DPYD: variants seen among roughly 807,000 people sequenced by gnomAD.
DPYD encodes the protein dihydropyrimidine dehydrogenase.
In DPYD, 109 loss-of-function variants were observed where a neutral mutation model predicts 116.2. The ratio of observed to expected loss-of-function variants is 0.94; its 90% confidence interval spans 0.80 to 1.10. DPYD has a LOEUF of 1.10. Among genes scored for constraint, DPYD ranks in the 50% least tolerant of loss-of-function variants. The pLI is 0.00. For missense variants in DPYD, 1,302 were observed against 1,254.5 expected (o/e 1.04, Z -0.57); for synonymous variants, 440 against 432.0 (o/e 1.02, Z -0.23).
intron 1 of DPYD, among the ~76,000 whole-genome samples, chr1:97,896,843 A>C (rs1673095973): frequency 6.6e-6 from 1 of 151,860 alleles, no homozygotes; most frequent in African/African-American, 2.4e-5. Context: ...CACTTAGCAT[A>C]ATGTCTTCAA....
intron 2 of DPYD, among the ~76,000 whole-genome samples, chr1:97,861,732 T>C (rs755285582): frequency 1.6e-4 from 25 of 151,994 alleles, no homozygotes; most frequent in Non-Finnish European, 3.1e-4. Flanking sequence ...TATTGAGATA[T>C]AATTTTACAC....
At chr1:97,568,431 A>G (rs115272223) in intron 11 of DPYD, among the ~76,000 whole-genome samples, 2,001 of 152,198 alleles carry the variant, frequency 0.013, 24 homozygotes, top group Middle Eastern at 0.024. Context: ...ACTCTAGGAT[A>G]TTCATACTAT....
At chr1:97,729,778 A>G (rs1663484093) in intron 4 of DPYD, among the ~76,000 whole-genome samples, 1 of 152,118 alleles carries the variant, frequency 6.6e-6, no homozygotes, top group Non-Finnish European at 1.5e-5. Flanking sequence ...AGAACTTACA[A>G]TCTTCCCCAT....
At chr1:97,424,254 T>C (rs1359762354) in intron 14 of DPYD, among the ~76,000 whole-genome samples, 1 of 152,062 alleles carries the variant, frequency 6.6e-6, no homozygotes, top group Non-Finnish European at 1.5e-5. Context: ...GTAATGGGTG[T>C]TTCGTGGTTA....
At chr1:97,540,080 G>A (rs1428901833) in intron 12 of DPYD, among the ~76,000 whole-genome samples, 1 of 152,080 alleles carries the variant, frequency 6.6e-6, no homozygotes, top group Non-Finnish European at 1.5e-5. Context: ...AATCAATTCT[G>A]TAGTGGACAC....
intron 13 of DPYD, among the ~76,000 whole-genome samples, chr1:97,482,488 T>C (rs1213255403): frequency 6.6e-6 from 1 of 152,204 alleles, no homozygotes; most frequent in Non-Finnish European, 1.5e-5. Context: ...ACAGAAAATG[T>C]ATACTTAAAT....
chr1:97,511,066 G>T (rs1351957910), intron 13 of DPYD, among the ~76,000 whole-genome samples: 1 of 151,872 alleles, frequency 6.6e-6, no homozygotes, highest in Non-Finnish European at 1.5e-5. Context: ...AACTGTAAAT[G>T]CATGATTGAG....
At chr1:97,534,586 C>T (rs1037998513) in intron 12 of DPYD, among the ~76,000 whole-genome samples, 1 of 151,876 alleles carries the variant, frequency 6.6e-6, no homozygotes, top group Admixed American at 6.6e-5. Flanking sequence ...GGATGTTATT[C>T]TTTTCTTTAT....
chr1:97,143,282 T>A (rs1654363568), intron 20 of DPYD, among the ~76,000 whole-genome samples: 1 of 152,158 alleles, frequency 6.6e-6, no homozygotes, highest in African/African-American at 2.4e-5. Flanking sequence ...AATGGCTATA[T>A]TGGAATCCTG....
At chr1:97,630,726 G>A (rs908377362) in intron 8 of DPYD, among the ~76,000 whole-genome samples, 1 of 152,142 alleles carries the variant, frequency 6.6e-6, no homozygotes, top group African/African-American at 2.4e-5. Flanking sequence ...CAGTAAGAAA[G>A]TATGGTTTTG....
chr1:97,674,685 T>C (rs530097526), intron 8 of DPYD, among the ~76,000 whole-genome samples: 1 of 151,726 alleles, frequency 6.6e-6, no homozygotes, highest in Non-Finnish European at 1.5e-5. Flanking sequence ...ACTATACCCA[T>C]GTCCAGCCCG....
chr1:97,760,681 C>T (rs1467586455), intron 3 of DPYD, among the ~76,000 whole-genome samples: 1 of 151,956 alleles, frequency 6.6e-6, no homozygotes, highest in Non-Finnish European at 1.5e-5. Flanking sequence ...GTACAGAGGG[C>T]ACCTAAAGAA....
chr1:97,471,426 T>G (rs968763409), intron 13 of DPYD, among the ~76,000 whole-genome samples: 3 of 152,078 alleles, frequency 2.0e-5, no homozygotes, highest in African/African-American at 7.2e-5. Context: ...CAAATTAACA[T>G]GTAACTTGGG....
intron 20 of DPYD, among the ~76,000 whole-genome samples, chr1:97,180,905 A>G (rs551927536): frequency 6.6e-6 from 1 of 152,274 alleles, no homozygotes; most frequent in Non-Finnish European, 1.5e-5. Flanking sequence ...TGACAACACA[A>G]TGAAAATGTA....
At chr1:97,801,007 C>T (rs1667819213) in intron 3 of DPYD, among the ~76,000 whole-genome samples, 1 of 151,910 alleles carries the variant, frequency 6.6e-6, no homozygotes, top group South Asian at 2.1e-4. Context: ...TCTTTGCATT[C>T]ATCCATCCAT....
chr1:97,702,937 A>G (rs1398133690), intron 5 of DPYD, among the ~76,000 whole-genome samples: 3 of 151,978 alleles, frequency 2.0e-5, no homozygotes, highest in East Asian at 3.9e-4. Flanking sequence ...GACTCTTAAA[A>G]AGTGTTTGAA....
chr1:97,862,847 C>G (rs1274886732), intron 2 of DPYD, among the ~76,000 whole-genome samples: 1 of 151,872 alleles, frequency 6.6e-6, no homozygotes, highest in Non-Finnish European at 1.5e-5. Flanking sequence ...TACTTTCTCA[C>G]TACCATGTAA....
chr1:97,825,743 C>T (rs888327938), intron 3 of DPYD, among the ~76,000 whole-genome samples: 2 of 151,442 alleles, frequency 1.3e-5, no homozygotes, highest in African/African-American at 4.9e-5. Context: ...GCACGTTGTG[C>T]ACATGTACCC....
At chr1:97,545,316 G>T (rs910742477) in intron 12 of DPYD, among the ~76,000 whole-genome samples, 1 of 152,042 alleles carries the variant, frequency 6.6e-6, no homozygotes, top group Admixed American at 6.6e-5. Flanking sequence ...ATAAATAAAT[G>T]TCAGTTTCCT....
Sources: allele counts gnomAD v4.1 joint callset (sites outside exome capture counted in the v4.1 genomes callset), GRCh38; gene constraint gnomAD v4.1.1; transcripts MANE v1.5; gene names NCBI Gene and HGNC (gene_info 2026-07-23, HGNC 2026-07-21).